Variants in ADGB observed in about 807,000 individuals in gnomAD.
ADGB encodes calpain-7-like protein.
Under a neutral mutation model 210.5 loss-of-function variants are expected in ADGB, and 172 were observed. The observed-to-expected ratio is 0.82, with a 90% CI of 0.72 to 0.93. The LOEUF (loss-of-function observed/expected upper bound fraction) is 0.93. Ranked by LOEUF, ADGB falls within the 40% of genes least tolerant of loss-of-function variation. The pLI is 0.00. For missense variants in ADGB, 2,025 were observed against 1,964.8 expected (o/e 1.03, Z -0.58); for synonymous variants, 658 against 662.7 (o/e 0.99, Z 0.11).
chr6:146,803,157 A>T, intron 35 of ADGB: 1 of 1,491,202 alleles, frequency 6.7e-7, no homozygotes. Flanking sequence ...TATCCTCAAC[A>T]AATAAGCTAC....
chr6:146,691,478 AT>A (rs1349791404), intron 11 of ADGB, among the ~76,000 whole-genome samples, 188 bp downstream of exon 11: 13 of 10,564 alleles, frequency 1.2e-3, no homozygotes, highest in South Asian at 3.0e-3. Flanking sequence ...ATATATATAA[AT>A]ATATATATAT....
intron 35 of ADGB, among the ~76,000 whole-genome samples, chr6:146,810,126 C>T (rs1388737990): frequency 6.6e-6 from 1 of 152,058 alleles, no homozygotes; most frequent in African/African-American, 2.4e-5. Flanking sequence ...AGCAAATAAC[C>T]TGGTTTTAAA....
chr6:146,728,647 A>G lies in ADGB; in HGVS notation c.2426A>G (p.Asp809Gly). The G allele has an allele frequency of 1.3e-6, 2 of 1,551,630 alleles. No individual in the cohort carries two copies. The highest frequency in any genetic ancestry group is 1.4e-5 in the African/African-American group (1 of 73,174). ...AIGNVIANFKDKGKLSAALKD... is the reference protein window; with the variant it reads ...AIGNVIANFKGKGKLSAALKD... ...GGAAATGTGATTGCTAATTTCAAAG[A>G]TAAGGGTAAACTCTCTGCAGCTTTG... The change falls in exon 20 of 36, where the codon GAT becomes GGT. Residue 809 changes from aspartate to glycine, a missense_variant. Asp to Gly is a moderately conservative substitution (Grantham distance 94). Coordinates refer to ENST00000397944, the MANE Select transcript of ADGB (RefSeq NM_024694.4).
At chr6:146,745,818 G>A (rs9647636) in intron 25 of ADGB, 104 bp from the exon 26 acceptor site, 369,223 of 821,070 alleles carry the variant, frequency 0.45, 86,898 homozygotes, top group African/African-American at 0.68. Flanking sequence ...CTTGGGACCT[G>A]TAGGTATATC....
intron 1 of ADGB, among the ~76,000 whole-genome samples, chr6:146,609,705 G>A (rs1167004221): frequency 2.6e-5 from 4 of 152,136 alleles, no homozygotes; most frequent in Admixed American, 2.6e-4. Flanking sequence ...CAGTTATGAA[G>A]CTTAGTTTGG....
intron 13 of ADGB, among the ~76,000 whole-genome samples, chr6:146,706,310 A>G (rs1776568805): frequency 1.4e-5 from 2 of 147,490 alleles, no homozygotes; most frequent in African/African-American, 2.5e-5. Context: ...GCCAGGCTGG[A>G]GTGCAGTGGC....
chr6:146,741,410 G>T (rs928908025), intron 25 of ADGB, 139 bp downstream of exon 25: 19 of 690,958 alleles, frequency 2.7e-5, no homozygotes, highest in Non-Finnish European at 4.4e-5. Context: ...CACTATAGAA[G>T]TCCCATATAT....
chr6:146,795,594 A>G (rs9497633), intron 33 of ADGB, among the ~76,000 whole-genome samples: 8,280 of 152,258 alleles, frequency 0.054, 737 homozygotes, highest in African/African-American at 0.19. Context: ...AATCAAAACC[A>G]CAATGAGATA....
At position 146,733,884 on chromosome 6, in the gene ADGB, C is replaced by G. The variant is rs1320356670; in HGVS notation, c.2657-9C>G. ...ACTTTCAGTCCAAAGTTTGTTTTTC[C>G]CTTTCCAGTGGAATGGCTGGACGTT... On this transcript the variant is annotated splice_polypyrimidine_tract_variant and intron_variant, in intron 21 of 35. Transcript: ENST00000397944. 1 of 1,551,092 alleles carries G rather than the reference C, an allele frequency of 6.4e-7. No individual in the cohort carries two copies. Among genetic ancestry groups the G allele is most frequent in the African/African-American group, 1.4e-5 (1 of 72,996 alleles).
chr6:146,685,774 G>A lies in ADGB; in HGVS notation c.1257G>A (p.Ala419=), dbSNP rs372706562. The A allele has an allele frequency of 3.3e-5, 51 of 1,541,220 alleles. No individual in the cohort carries two copies. In the African/African-American group the frequency reaches 5.1e-4, roughly 15 times the overall value. The change falls in exon 10 of 36, where the codon GCG becomes GCA. Residue 419 remains alanine, a synonymous_variant. Coordinates refer to ENST00000397944, the MANE Select transcript of ADGB (RefSeq NM_024694.4). ...AIQTSHMVVY[A]TFTPLYLFEN... The stretch of plus-strand genomic sequence containing the variant: ...AGACCTCTCATATGGTCGTATATGC[G>A]ACATTTACACCTCTTTATTTGTTTG...
At chr6:146,614,207 C>CCTTCCTTCCTT (rs1780754247) in intron 1 of ADGB, among the ~76,000 whole-genome samples, 2 of 132,578 alleles carry the variant, frequency 1.5e-5, no homozygotes, top group African/African-American at 5.9e-5. Flanking sequence ...CTCCCTTCCT[C>CCTTCCTTCCTT]CCTTCCTTCC....
At chr6:146,808,243 G>A (rs1421139842) in intron 35 of ADGB, among the ~76,000 whole-genome samples, 1 of 152,070 alleles carries the variant, frequency 6.6e-6, no homozygotes, top group African/African-American at 2.4e-5. Flanking sequence ...CAAGTGATCT[G>A]CGCGCATCGG....
chr6:146,788,054 G>T (rs1777902936), intron 32 of ADGB, among the ~76,000 whole-genome samples: 1 of 152,146 alleles, frequency 6.6e-6, no homozygotes, highest in Admixed American at 6.6e-5. Context: ...ATGAAGCATT[G>T]TCAGCATAGG....
chr6:146,616,665 G>T (rs1462320272), intron 1 of ADGB, among the ~76,000 whole-genome samples: 1 of 151,966 alleles, frequency 6.6e-6, no homozygotes, highest in Non-Finnish European at 1.5e-5. Context: ...AATTTCCCCA[G>T]TACCATTTAT....
intron 29 of ADGB, among the ~76,000 whole-genome samples, chr6:146,773,104 C>T (rs191009168): frequency 1.3e-5 from 2 of 152,186 alleles, no homozygotes; most frequent in African/African-American, 2.4e-5. Context: ...TTCCCATTTC[C>T]TTCCACATCA....
Position 146,664,190 on chromosome 6 carries a change from C to T in ADGB, c.613-11C>T, listed in dbSNP as rs1181215872. 6.5e-7 allele frequency: 1 copy of T among 1,539,686 alleles called. No homozygotes were observed. Among genetic ancestry groups the T allele is most frequent in the Non-Finnish European group, 8.8e-7 (1 of 1,141,286 alleles). Reference sequence around the variant, plus strand: ...ATTGATGGTATTACATTTCTTTCATCTTATTTTTAGGGTTGCTGGAGAAAG... The same window carrying T: ...ATTGATGGTATTACATTTCTTTCATTTTATTTTTAGGGTTGCTGGAGAAAG... On this transcript the variant is annotated splice_polypyrimidine_tract_variant and intron_variant, in intron 5 of 35. Coordinates refer to ENST00000397944, the MANE Select transcript of ADGB (RefSeq NM_024694.4).
At chr6:146,802,835 A>G (rs2114666922) in intron 35 of ADGB, 1 of 1,609,610 alleles carries the variant, frequency 6.2e-7, no homozygotes, top group Non-Finnish European at 8.5e-7. Context: ...ATCCTTAGCT[A>G]TATTACCAGT....
chr6:146,784,518 T>C, intron 30 of ADGB, 100 bp from the exon 31 acceptor site: 3 of 916,858 alleles, frequency 3.3e-6, no homozygotes, highest in Non-Finnish European at 4.6e-6. Context: ...CATTTATCTC[T>C]AGTAAATACC....
chr6:146,622,494 G>C (rs1250240334), intron 1 of ADGB, among the ~76,000 whole-genome samples: 1 of 152,072 alleles, frequency 6.6e-6, no homozygotes, highest in Non-Finnish European at 1.5e-5. Flanking sequence ...TCATAGCTTT[G>C]ATGATTAGAC....
Sources: allele counts gnomAD v4.1 joint callset (sites outside exome capture counted in the v4.1 genomes callset), GRCh38; gene constraint gnomAD v4.1.1; transcripts MANE v1.5; gene names NCBI Gene and HGNC (gene_info 2026-07-23, HGNC 2026-07-21).